Variants in RAB10 observed in about 807,000 individuals in gnomAD.
RAB10 encodes ras-related protein Rab-10.
Under a neutral mutation model 25.7 loss-of-function variants are expected in RAB10, and 5 were observed. That is an observed-to-expected ratio of 0.19 (90% confidence interval 0.10 to 0.41). The LOEUF (loss-of-function observed/expected upper bound fraction) is 0.41. Ranked by LOEUF, RAB10 falls within the 10% of genes least tolerant of loss-of-function variation. The probability of loss-of-function intolerance (pLI) is 1.00; values close to 1 mark genes in which losing one functional copy is unlikely to be tolerated. For synonymous variants in RAB10, 89 were observed against 86.4 expected (o/e 1.03, Z -0.16); for missense variants, 103 against 245.8 (o/e 0.42, Z 3.89).
Position 26,127,926 on chromosome 2 carries a change from C to T in RAB10, c.494C>T (p.Thr165Met), listed in dbSNP as rs777136174. ...ANINIEKAFL[T>M]LAEDILRKTP... is the part of the protein sequence containing the mutation. ...ATAAACATCGAAAAGGCGTTCCTCA[C>T]GTTAGCTGAAGATATCCTTCGAAAG... Residue 165 changes from threonine (T) to methionine (M), a missense_variant, in exon 5 of 6, where the codon ACG (threonine) becomes ATG (methionine). This residue lies in a region of RAB10 where 79 missense variants were observed against 217.8 expected (regional missense o/e 0.36). Coordinates refer to ENST00000264710, the MANE Select transcript of RAB10 (RefSeq NM_016131.5). 4.4e-6 allele frequency: 7 copies of T among 1,606,184 alleles called. No individual in the cohort carries two copies. Among genetic ancestry groups the T allele is most frequent in the Non-Finnish European group, 8.5e-7 (1 of 1,172,866 alleles).
chr2:26,046,982 GT>G (rs1666026197), intron 1 of RAB10, among the ~76,000 whole-genome samples: 1 of 152,076 alleles, frequency 6.6e-6, no homozygotes, highest in African/African-American at 2.4e-5. Flanking sequence ...ACTTTGCCCA[GT>G]TTCTTCCAAT....
At chr2:26,033,790 G>C, upstream of RAB10, among the ~76,000 whole-genome samples, 1 of 151,762 alleles carries the variant, frequency 6.6e-6, no homozygotes, top group East Asian at 1.9e-4. Flanking sequence ...CGGGAGGCGG[G>C]AGGCGGGGGT....
intron 1 of RAB10, among the ~76,000 whole-genome samples, chr2:26,072,184 C>T (rs896418131): frequency 5.3e-5 from 8 of 151,892 alleles, no homozygotes; most frequent in Admixed American, 1.3e-4. Context: ...TTTGGGAGGC[C>T]GAGGCGGCTG....
intron 1 of RAB10, among the ~76,000 whole-genome samples, chr2:26,054,710 C>T (rs867620850): frequency 2.0e-5 from 3 of 152,300 alleles, no homozygotes; most frequent in South Asian, 4.1e-4. Context: ...ACACTCATTA[C>T]GATGAATCCC....
At chr2:26,062,327 T>TTATGA (rs952765484) in intron 1 of RAB10, among the ~76,000 whole-genome samples, 22 of 152,164 alleles carry the variant, frequency 1.4e-4, no homozygotes, top group Non-Finnish European at 2.8e-4. Context: ...GATCTATGTA[T>TTATGA]TATGATGCTT....
At chr2:26,077,675 C>G in intron 1 of RAB10, among the ~76,000 whole-genome samples, 1 of 152,112 alleles carries the variant, frequency 6.6e-6, no homozygotes, top group East Asian at 1.9e-4. Flanking sequence ...AATTGCTACC[C>G]TGCTTAAAGT....
intron 1 of RAB10, among the ~76,000 whole-genome samples, chr2:26,058,321 A>G (rs921634821): frequency 7.2e-5 from 11 of 152,160 alleles, no homozygotes; most frequent in African/African-American, 1.2e-4. Flanking sequence ...AGTTGAATTC[A>G]TATATGTCAC....
At chr2:26,078,124 C>T (rs1256662468) in intron 1 of RAB10, among the ~76,000 whole-genome samples, 2 of 152,026 alleles carry the variant, frequency 1.3e-5, no homozygotes, top group Non-Finnish European at 2.9e-5. Flanking sequence ...AGATTTAACA[C>T]AAGAAGTATA....
Position 26,135,034 on chromosome 2 carries a change from T to A in RAB10, c.*13T>A. 1 of 1,602,798 alleles carries A rather than the reference T, an allele frequency of 6.2e-7. No individual in the cohort carries two copies. Among genetic ancestry groups the A allele is most frequent in the Non-Finnish European group, 8.5e-7 (1 of 1,170,722 alleles). ...CAAATGCTGCTGAGCATTCTCCTGT[T>A]CCATCAGTTGCCATCCACTACCCCG... On this transcript the variant is annotated 3_prime_UTR_variant, in exon 6 of 6. Coordinates refer to ENST00000264710, the MANE Select transcript of RAB10 (RefSeq NM_016131.5).
intron 1 of RAB10, among the ~76,000 whole-genome samples, chr2:26,058,835 C>T (rs1337353074): frequency 6.6e-6 from 1 of 152,174 alleles, no homozygotes; most frequent in Non-Finnish European, 1.5e-5. Flanking sequence ...AGCAACAGCT[C>T]CCCTCTTCCA....
Position 26,034,207 on chromosome 2 carries a change from C to T in RAB10, c.-402C>T, listed in dbSNP as rs1226397423. ...GACTTAGGGGTCCTTCTTCGCTGCC[C>T]TCGCCGCGTGCTAGCAGGGAGTTTC... On this transcript the variant is annotated 5_prime_UTR_variant, in exon 1 of 6. Coordinates refer to ENST00000264710, the MANE Select transcript of RAB10 (RefSeq NM_016131.5). The T allele has an allele frequency of 9.3e-6, 4 of 429,772 alleles. No homozygotes were observed. The highest frequency in any genetic ancestry group is 8.1e-5 in the African/African-American group (4 of 49,262). The allele number at this position is 429,772 out of a possible 1,614,324, so 26.6% of individuals were successfully genotyped here.
chr2:26,092,289 G>T (rs565690965), intron 1 of RAB10, among the ~76,000 whole-genome samples: 2 of 135,258 alleles, frequency 1.5e-5, no homozygotes, highest in African/African-American at 6.4e-5. Context: ...GTGTGTGTGT[G>T]TGTGTGTGTG....
Position 26,034,453 on chromosome 2 carries a change from T to G in RAB10, c.-156T>G, listed in dbSNP as rs1028409700. On this transcript the variant is annotated 5_prime_UTR_variant, in exon 1 of 6. Transcript: ENST00000264710. ...GGACGCCGCCACTGTCGGGGCTTCCTCAAAGCTGTTCGTAGGTCGCCCGCG... is the reference window on the plus strand; with the variant it reads ...GGACGCCGCCACTGTCGGGGCTTCCGCAAAGCTGTTCGTAGGTCGCCCGCG... 1 of 1,017,486 alleles carries G rather than the reference T, an allele frequency of 9.8e-7. No homozygotes were observed. Among genetic ancestry groups the G allele is most frequent in the Non-Finnish European group, 1.4e-6 (1 of 711,830 alleles). 63.0% of individuals were successfully genotyped at this position (1,017,486 alleles called of 1,614,324 possible).
intron 1 of RAB10, among the ~76,000 whole-genome samples, chr2:26,063,128 AAG>A (rs1666444019): frequency 6.6e-6 from 1 of 151,396 alleles, no homozygotes; most frequent in South Asian, 2.1e-4. Flanking sequence ...AAAAAAAAAA[AAG>A]AATCAGGAAT....
chr2:26,130,764 A>G (rs1451545183), intron 5 of RAB10, among the ~76,000 whole-genome samples: 2 of 152,162 alleles, frequency 1.3e-5, no homozygotes, highest in Non-Finnish European at 2.9e-5. Context: ...TTTTAATTAA[A>G]TGAAGGGAAT....
At position 26,128,382 on chromosome 2, in the gene RAB10, C is replaced by T. The variant is rs554245494; in HGVS notation, c.519+431C>T. ...AACAGGCCACGGACCGGTAAGAGTC[C>T]ACAGCCCCGGGGTTGGGGACTTGTG... On this transcript the variant is annotated intron_variant, in intron 5 of 5. Coordinates refer to ENST00000264710, the MANE Select transcript of RAB10 (RefSeq NM_016131.5). 2.0e-5 allele frequency among the ~76,000 whole-genome samples: 3 copies of T among 152,282 alleles called. No homozygotes were observed. The South Asian group carries it at 6.2e-4, about 32-fold the overall frequency.
rs978874613 is a variant in RAB10 at position 26,034,194 on chromosome 2, C to T, written c.-415C>T. On this transcript the variant is annotated 5_prime_UTR_variant, in exon 1 of 6. Coordinates refer to ENST00000264710, the MANE Select transcript of RAB10 (RefSeq NM_016131.5). ...AACTGAGCTCGTCGACTTAGGGGTC[C>T]TTCTTCGCTGCCCTCGCCGCGTGCT... 1 of 428,314 alleles carries T rather than the reference C, an allele frequency of 2.3e-6. No individual in the cohort carries two copies. The highest frequency in any genetic ancestry group is 2.0e-5 in the African/African-American group (1 of 49,282). The allele number at this position is 428,314 out of a possible 1,614,324, so 26.5% of individuals were successfully genotyped here. A position where few individuals can be genotyped will look rare whatever the true frequency, so the allele number is the denominator to read the frequency against.
intron 4 of RAB10, 53 bp from the exon 5 acceptor site, chr2:26,127,797 A>G: frequency 7.6e-7 from 1 of 1,309,196 alleles, no homozygotes; most frequent in South Asian, 1.2e-5. Context: ...TAAAGTCAGC[A>G]GTTGGCAACC....
At chr2:26,125,602 A>C (rs1667888728) in intron 3 of RAB10, among the ~76,000 whole-genome samples, 1 of 151,782 alleles carries the variant, frequency 6.6e-6, no homozygotes. Flanking sequence ...GGCACACACC[A>C]CCGTGCCTGG....
Sources: allele counts gnomAD v4.1 joint callset (sites outside exome capture counted in the v4.1 genomes callset), GRCh38; gene constraint gnomAD v4.1.1; regional missense constraint gnomAD v4.1.1; transcripts MANE v1.5; gene names NCBI Gene and HGNC (gene_info 2026-07-23, HGNC 2026-07-21).